The following SMG5 variants were observed in gnomAD, a reference collection of about 807,000 sequenced individuals.
The protein encoded by SMG5 is SMG5 nonsense mediated mRNA decay factor.
SMG5 carries 53 observed loss-of-function variants against 122.9 expected under a neutral mutation model. The observed-to-expected ratio is 0.43, with a 90% CI of 0.35 to 0.54. The LOEUF (loss-of-function observed/expected upper bound fraction) is 0.54, where lower values mean the gene tolerates loss of function less well. Among genes scored for constraint, SMG5 ranks in the 20% least tolerant of loss-of-function variants. The probability of loss-of-function intolerance (pLI) is 0.01; values close to 1 mark genes in which losing one functional copy is unlikely to be tolerated. For synonymous variants in SMG5, 477 were observed against 490.2 expected, an observed-to-expected ratio of 0.97 and a Z score of 0.35; for missense variants, 1,153 against 1,285.6, an observed-to-expected ratio of 0.90 and a Z score of 1.58.
intron 4 of SMG5, among the ~76,000 whole-genome samples, chr1:156,275,872 C>T (rs1288354485): frequency 1.7e-4 from 26 of 150,426 alleles, no homozygotes; most frequent in Admixed American, 2.0e-4. Context: ...GGAGTTCCAG[C>T]GATGAAATCA....
intron 1 of SMG5, among the ~76,000 whole-genome samples, chr1:156,280,844 C>T (rs1027473376): frequency 6.6e-6 from 1 of 152,232 alleles, no homozygotes; most frequent in Non-Finnish European, 1.5e-5. Context: ...CCGTGTGTTT[C>T]ATTCACTATT....
chr1:156,291,363 G>A, the SMG5 span: 3 of 1,611,874 alleles, frequency 1.9e-6, no homozygotes, highest in Non-Finnish European at 2.5e-6. Flanking sequence ...AGAGTAGCCT[G>A]ACCCTTTTCT....
chr1:156,250,855 C>T lies in SMG5; in HGVS notation c.2967+3G>A. The T allele has an allele frequency of 1.9e-6, 3 of 1,613,796 alleles. No individual in the cohort carries two copies. Among genetic ancestry groups the T allele is most frequent in the Non-Finnish European group, 2.5e-6 (3 of 1,179,826 alleles). The stretch of plus-strand genomic sequence containing the variant: ...CCATCCCCCCACCTCACCCATGACC[C>T]ACCTGCATGGGGCCTGAAAGCACGC... On this transcript the variant is annotated splice_donor_region_variant and intron_variant, in intron 21 of 21. Coordinates refer to ENST00000361813, the MANE Select transcript of SMG5 (RefSeq NM_015327.3).
intron 15 of SMG5, 65 bp downstream of exon 15, chr1:156,260,386 T>C (rs1661762382): frequency 3.8e-6 from 6 of 1,561,476 alleles, no homozygotes; most frequent in African/African-American, 1.4e-5. Context: ...TCCCCAGATC[T>C]GAACCCATTT....
intron 3 of SMG5, 34 bp downstream of exon 3, chr1:156,277,891 G>C: frequency 6.2e-7 from 1 of 1,611,368 alleles, no homozygotes; most frequent in African/African-American, 1.3e-5. Flanking sequence ...TTCCTTCCTT[G>C]GCTTTCCCTC....
chr1:156,275,201 G>C (rs2270291), intron 4 of SMG5, among the ~76,000 whole-genome samples: 36,073 of 150,314 alleles, frequency 0.24, 4,830 homozygotes, highest in Non-Finnish European at 0.29. Context: ...AGAAAGACAT[G>C]TGAATGAGGC....
chr1:156,261,514 C>T (rs1376276279), intron 13 of SMG5, 106 bp from the exon 14 acceptor site: 4 of 844,318 alleles, frequency 4.7e-6, no homozygotes, highest in Non-Finnish European at 7.7e-6. Context: ...TGTTCAGAGG[C>T]CTGTGGGGGT....
At chr1:156,251,069 G>GCT in intron 20 of SMG5, 73 bp from the exon 21 acceptor site, 1 of 1,568,842 alleles carries the variant, frequency 6.4e-7, no homozygotes, top group Non-Finnish European at 8.7e-7. Context: ...AGGATCTCCA[G>GCT]GGGACAGGGG....
chr1:156,256,046 T>C (rs1246149641), intron 16 of SMG5, among the ~76,000 whole-genome samples: 2 of 152,196 alleles, frequency 1.3e-5, no homozygotes, highest in African/African-American at 2.4e-5. Flanking sequence ...CTGTCAGAGA[T>C]TGCATGAGAC....
Position 156,266,020 on chromosome 1 carries a change from A to G in SMG5, c.1616T>C (p.Leu539Pro), listed in dbSNP as rs1662115054. ...EEEEGTRSPT[L>P]EPPRGRSEAP... ...CTCTGATCTGCCCCGAGGGGGCTCC[A>G]GGGTTGGTGACCGTGTCCCCTCCTC... Residue 539 changes from leucine (L) to proline (P), a missense_variant, in exon 12 of 22, where the codon CTG becomes CCG. Leu to Pro is a moderately conservative substitution (Grantham distance 98). Coordinates refer to ENST00000361813, the MANE Select transcript of SMG5 (RefSeq NM_015327.3). 1.9e-6 allele frequency: 3 copies of G among 1,614,224 alleles called. No homozygotes were observed. Among genetic ancestry groups the G allele is most frequent in the Non-Finnish European group, 2.5e-6 (3 of 1,180,032 alleles).
chr1:156,285,898 T>G (rs1046009484), upstream of SMG5: 2 of 1,613,994 alleles, frequency 1.2e-6, no homozygotes, highest in Admixed American at 3.3e-5. Context: ...TCCTGCCGTT[T>G]GATGTCCCAC....
chr1:156,279,487 C>T (rs913968255), intron 1 of SMG5, among the ~76,000 whole-genome samples: 2 of 152,194 alleles, frequency 1.3e-5, no homozygotes, highest in Admixed American at 1.3e-4. Context: ...AGGGTTTGAA[C>T]CCTGGCTGTG....
Position 156,273,444 on chromosome 1 carries a change from T to C in SMG5, c.551A>G (p.Tyr184Cys), listed in dbSNP as rs1662529045. 1 of 1,613,922 alleles carries C rather than the reference T, an allele frequency of 6.2e-7. No homozygotes were observed. Among genetic ancestry groups the C allele is most frequent in the Non-Finnish European group, 8.5e-7 (1 of 1,179,924 alleles). The change falls in exon 6 of 22, where the codon TAT (tyrosine) becomes TGT (cysteine). Residue 184 changes from tyrosine (Y) to cysteine (C), a missense_variant. Tyr to Cys is a radical substitution (Grantham distance 194). This residue lies in a region of SMG5 where 85 missense variants were observed against 127.3 expected (regional missense o/e 0.67). Coordinates refer to ENST00000361813, the MANE Select transcript of SMG5 (RefSeq NM_015327.3). ...ATCTACGCCAGCTAATTCATTCTGA[T>C]ATCGGGCTGCACAAGAGAGAAAACG... Reference protein sequence around the residue: ...CLVYLGDLSRYQNELAGVDTE... With the variant: ...CLVYLGDLSRCQNELAGVDTE...
At position 156,278,006 on chromosome 1, in the gene SMG5, C is replaced by T. The variant is rs755092025; in HGVS notation, c.216G>A (p.Val72=). The change falls in exon 3 of 22, where the codon GTG becomes GTA. Residue 72 remains valine, a synonymous_variant. Transcript: ENST00000361813. ...GCTCCTCAGCCTTTCTCCCATAGTC[C>T]ACTGGGTGCAGGAACATAAGCTTGA... ...LCVKLMFLHP[V]DYGRKAEELL... is the part of the protein sequence containing the mutation. 5 of 1,614,142 alleles carry T rather than the reference C, an allele frequency of 3.1e-6. No homozygotes were observed. The highest frequency in any genetic ancestry group is 1.6e-4 in the Middle Eastern group (1 of 6,062).
At position 156,266,022 on chromosome 1, in the gene SMG5, G is replaced by A. The variant is rs768135890; in HGVS notation, c.1614C>T (p.Thr538=). 1.9e-6 allele frequency: 3 copies of A among 1,614,116 alleles called. No individual in the cohort carries two copies. The highest frequency in any genetic ancestry group is 4.5e-5 in the East Asian group (2 of 44,894). The change falls in exon 12 of 22, where the codon ACC becomes ACT. Residue 538 remains threonine (T), a synonymous_variant. Coordinates refer to ENST00000361813, the MANE Select transcript of SMG5 (RefSeq NM_015327.3). ...CTGATCTGCCCCGAGGGGGCTCCAG[G>A]GTTGGTGACCGTGTCCCCTCCTCTT... The part of the protein sequence containing the change: ...MEEEEGTRSP[T]LEPPRGRSEA...
Position 156,282,690 on chromosome 1 carries a change from G to A in SMG5, c.-10C>T, listed in dbSNP as rs200445313. 51 of 1,596,934 alleles carry A rather than the reference G, an allele frequency of 3.2e-5. No individual in the cohort carries two copies. The East Asian group carries it at 1.1e-3, about 33-fold the overall frequency. ...GGGGGCCTTGGCTCATGGTGCCCGG[G>A]TCCGGGGGCAGCTCCCGGTCACAGG... On this transcript the variant is annotated 5_prime_UTR_variant, in exon 1 of 22. Coordinates refer to ENST00000361813, the MANE Select transcript of SMG5 (RefSeq NM_015327.3).
chr1:156,252,879 TTA>T, intron 18 of SMG5, 38 bp downstream of exon 18: 4 of 1,493,356 alleles, frequency 2.7e-6, no homozygotes, highest in Non-Finnish European at 3.6e-6. Flanking sequence ...AGAATCTCTT[TTA>T]GTCATACTCT....
Position 156,261,382 on chromosome 1 carries a change from C to T in SMG5, c.2058G>A (p.Leu686=), listed in dbSNP as rs1661825493. The T allele has an allele frequency of 1.2e-6, 2 of 1,614,162 alleles. No individual in the cohort carries two copies. The highest frequency in any genetic ancestry group is 1.7e-5 in the Admixed American group (1 of 60,014). Residue 686 remains leucine (L), a synonymous_variant, in exon 14 of 22, where the codon CTG becomes CTA. Coordinates refer to ENST00000361813, the MANE Select transcript of SMG5 (RefSeq NM_015327.3). ...CAGGCAACAGATTCAGCAACACAGA[C>T]AGGCGGTTCCACAGACTTTGAGAGC... ...AQSSQSLWNR[L]SVLLNLLPAA...
Position 156,252,476 on chromosome 1 carries a change from C to T in SMG5, c.2691G>A (p.Lys897=), listed in dbSNP as rs750923272. Residue 897 remains lysine, a synonymous_variant, in exon 19 of 22, where the codon AAG becomes AAA. Transcript: ENST00000361813. ...TVIDGLDLLK[K]EHPGARDGIR... is the part of the protein sequence containing the mutation. ...TCCCATCCCGGGCCCCTGGGTGTTC[C>T]TTCTTCAGCAAATCCAGGCCATCGA... 6.2e-7 allele frequency: 1 copy of T among 1,613,914 alleles called. No individual in the cohort carries two copies. Among genetic ancestry groups the T allele is most frequent in the Non-Finnish European group, 8.5e-7 (1 of 1,180,020 alleles).
Sources: allele counts gnomAD v4.1 joint callset (sites outside exome capture counted in the v4.1 genomes callset), GRCh38; gene constraint gnomAD v4.1.1; regional missense constraint gnomAD v4.1.1; transcripts MANE v1.5; gene names NCBI Gene and HGNC (gene_info 2026-07-23, HGNC 2026-07-21).